ADAMTSL1: variants seen among roughly 807,000 people sequenced by gnomAD.
ADAMTSL1 encodes ADAMTS-like protein 1.
A neutral mutation model predicts 201.8 loss-of-function variants in ADAMTSL1; 126 were observed. The observed-to-expected ratio is 0.62, with a 90% CI of 0.54 to 0.72. The LOEUF (loss-of-function observed/expected upper bound fraction) is 0.72, where lower values mean the gene tolerates loss of function less well. Ranked by LOEUF, ADAMTSL1 falls within the 30% of genes least tolerant of loss-of-function variation. The pLI is 0.00. For synonymous variants in ADAMTSL1, 1,121 were observed against 903.4 expected, an observed-to-expected ratio of 1.24 and a Z score of -4.32; for missense variants, 2,679 against 2,277.8, an observed-to-expected ratio of 1.18 and a Z score of -3.59.
rs190034712 is a variant in ADAMTSL1, at chr9:18,619,955, A to G, written c.475-2288A>G. ...TGCTTTGAATGTTGCCTAAATTAAA[A>G]CTGTCATGCTTTCTCAAAGGATTTG... On this transcript the variant is annotated intron_variant, in intron 4 of 28. Transcript: ENST00000380548. Among the ~76,000 whole-genome samples the G allele has an allele frequency of 4.0e-5, 6 of 151,650 alleles. No homozygotes were observed. The East Asian group carries it at 1.2e-3, about 29-fold the overall frequency.
At chr9:18,550,426 T>C (rs995800334) in intron 3 of ADAMTSL1, among the ~76,000 whole-genome samples, 12 of 151,942 alleles carry the variant, frequency 7.9e-5, no homozygotes, top group African/African-American at 2.9e-4. Context: ...GGCATTCATG[T>C]ACTGTTGTTA....
chr9:18,526,511 T>C (rs1237820521), intron 2 of ADAMTSL1, among the ~76,000 whole-genome samples: 1 of 152,250 alleles, frequency 6.6e-6, no homozygotes, highest in Non-Finnish European at 1.5e-5. Context: ...TGCTCATTAG[T>C]TGACGCAGTT....
At chr9:18,138,908 G>A (rs1036740294) in intron 1 of ADAMTSL1, among the ~76,000 whole-genome samples, 1 of 152,262 alleles carries the variant, frequency 6.6e-6, no homozygotes, top group Non-Finnish European at 1.5e-5. Flanking sequence ...AGTTTAAAGA[G>A]TGCATAGTTG....
intron 16 of ADAMTSL1, among the ~76,000 whole-genome samples, chr9:18,759,146 CA>C (rs1241656532): frequency 5.9e-5 from 9 of 152,148 alleles, no homozygotes; most frequent in Non-Finnish European, 1.0e-4. Flanking sequence ...TGTGCAGAGA[CA>C]GAAACAATTG....
intron 2 of ADAMTSL1, among the ~76,000 whole-genome samples, chr9:18,387,474 C>T (rs1162624388): frequency 1.3e-5 from 2 of 152,016 alleles, no homozygotes; most frequent in Non-Finnish European, 2.9e-5. Flanking sequence ...TTCTCACGTG[C>T]ATTTCTAAAT....
At chr9:18,807,061 T>C (rs1240963835) in intron 20 of ADAMTSL1, among the ~76,000 whole-genome samples, 1 of 152,216 alleles carries the variant, frequency 6.6e-6, no homozygotes, top group East Asian at 1.9e-4. Context: ...AAATGATTCT[T>C]GTAATGCTTC....
At chr9:18,012,409 T>G (rs1820087791) in intron 1 of ADAMTSL1, among the ~76,000 whole-genome samples, 1 of 151,992 alleles carries the variant, frequency 6.6e-6, no homozygotes, top group Non-Finnish European at 1.5e-5. Context: ...AGCCCTTGAG[T>G]CACTGAAATC....
intron 25 of ADAMTSL1, among the ~76,000 whole-genome samples, chr9:18,891,187 G>A (rs1398544357): frequency 2.9e-5 from 4 of 136,768 alleles, no homozygotes; most frequent in Non-Finnish European, 1.7e-5. Context: ...TGGCTAGGAC[G>A]AAGCCATAGG....
intron 1 of ADAMTSL1, among the ~76,000 whole-genome samples, chr9:18,029,057 CTGTT>C (rs1228601001): frequency 2.6e-5 from 4 of 152,062 alleles, no homozygotes; most frequent in Non-Finnish European, 4.4e-5. Context: ...ATTTGGCTCT[CTGTT>C]TGTCTGTTAT....
chr9:18,297,588 G>T (rs560321193), intron 2 of ADAMTSL1, among the ~76,000 whole-genome samples: 11 of 152,270 alleles, frequency 7.2e-5, no homozygotes, highest in Admixed American at 5.2e-4. Context: ...CTCCGTAAAA[G>T]GTCATGTGCT....
intron 1 of ADAMTSL1, among the ~76,000 whole-genome samples, chr9:17,994,090 T>TTGTGTGTGTGTGTGTGTGTGTG (rs367861504): frequency 2.1e-5 from 3 of 142,086 alleles, no homozygotes; most frequent in Admixed American, 7.0e-5. Flanking sequence ...CAGAATCTCA[T>TTGTGTGTGTGTGTGTGTGTGTG]TGTGTGTGTG....
At chr9:18,257,646 A>T (rs539716962) in intron 2 of ADAMTSL1, among the ~76,000 whole-genome samples, 29 of 152,328 alleles carry the variant, frequency 1.9e-4, no homozygotes, top group African/African-American at 7.0e-4. Context: ...TTAAGCACAG[A>T]ATTACTTTAT....
At chr9:18,310,252 A>G (rs867590299) in intron 2 of ADAMTSL1, among the ~76,000 whole-genome samples, 1 of 151,852 alleles carries the variant, frequency 6.6e-6, no homozygotes, top group East Asian at 1.9e-4. Context: ...AAACCTAGGC[A>G]ATAGCATTTA....
chr9:18,328,672 ATTTGTGC>A (rs1299397463), intron 2 of ADAMTSL1, among the ~76,000 whole-genome samples: 2 of 152,196 alleles, frequency 1.3e-5, no homozygotes, highest in Non-Finnish European at 2.9e-5. Flanking sequence ...TCTTAGTGTC[ATTTGTGC>A]CTAAAATAAT....
At chr9:18,253,016 G>A (rs11790235) in intron 2 of ADAMTSL1, among the ~76,000 whole-genome samples, 5,072 of 152,248 alleles carry the variant, frequency 0.033, 129 homozygotes, top group Non-Finnish European at 0.054. Flanking sequence ...TGAATTGATT[G>A]TGGCATGTCC....
chr9:18,462,388 A>ATACT (rs1313168405), intron 2 of ADAMTSL1, among the ~76,000 whole-genome samples: 5 of 152,236 alleles, frequency 3.3e-5, no homozygotes, highest in Non-Finnish European at 7.3e-5. Flanking sequence ...ACTGGGGTAC[A>ATACT]GTGGTTAACA....
intron 15 of ADAMTSL1, among the ~76,000 whole-genome samples, chr9:18,727,252 G>C (rs1457099681): frequency 1.3e-5 from 2 of 152,172 alleles, no homozygotes; most frequent in Non-Finnish European, 2.9e-5. Context: ...AAAGGTTACT[G>C]TTTCAACATG....
intron 26 of ADAMTSL1, among the ~76,000 whole-genome samples, chr9:18,896,651 A>G (rs1829655758): frequency 6.6e-6 from 1 of 152,178 alleles, no homozygotes; most frequent in Non-Finnish European, 1.5e-5. Context: ...TTCACCCCCC[A>G]GCCAAGGGAA....
At position 18,071,250 on chromosome 9, in the gene ADAMTSL1, G is replaced by T. The variant is rs116359919; in HGVS notation, c.88-92612G>T. On this transcript the variant is annotated intron_variant, in intron 1 of 29. Transcript: ENST00000680146. ...ACTATAACTTTTTTGTTTGTTGTCA[G>T]ATGTTTTTGGTTCAAAAAAATTAAA... Among the ~76,000 whole-genome samples the T allele has an allele frequency of 2.4e-3, 365 of 152,318 alleles. 2 individuals are homozygous for T. Among genetic ancestry groups the T allele is most frequent in the African/African-American group, 8.3e-3 (346 of 41,578 alleles).
Sources: gnomAD v4.1 joint callset for allele counts (sites outside exome capture counted in the v4.1 genomes callset) on GRCh38, gnomAD v4.1.1 for gene constraint, MANE v1.5 for transcripts, NCBI Gene and HGNC (gene_info 2026-07-23, HGNC 2026-07-21) for gene names.